Variants in TOP6BL observed in about 807,000 individuals in gnomAD.
TOP6BL encodes TOP6B like initiator of meiotic double strand breaks, also known as type 2 DNA topoisomerase 6 subunit B-like.
At chr11:66,787,358 C>T in the TOP6BL span, among the ~76,000 whole-genome samples, 4 of 151,830 alleles carry the variant, frequency 2.6e-5, no homozygotes, top group Non-Finnish European at 5.9e-5. Flanking sequence ...TTTTTTTAAT[C>T]ATCGTTAGGT....
At chr11:66,751,442 C>T in the TOP6BL span, among the ~76,000 whole-genome samples, 1 of 151,950 alleles carries the variant, frequency 6.6e-6, no homozygotes, top group African/African-American at 2.4e-5. Context: ...ATCCACCCAC[C>T]TCAGCCTCCC....
At chr11:66,746,327 C>G in the TOP6BL span, among the ~76,000 whole-genome samples, 2 of 152,020 alleles carry the variant, frequency 1.3e-5, no homozygotes, top group Non-Finnish European at 2.9e-5. Context: ...GGTGGGTAGC[C>G]TGTATTCTCA....
the TOP6BL span, among the ~76,000 whole-genome samples, chr11:66,790,061 C>T: frequency 1.3e-5 from 2 of 151,792 alleles, no homozygotes; most frequent in Admixed American, 6.6e-5. Flanking sequence ...TCATGAGGTC[C>T]GGAGATTGAG....
At chr11:66,755,697 C>T in the TOP6BL span, among the ~76,000 whole-genome samples, 1 of 152,176 alleles carries the variant, frequency 6.6e-6, no homozygotes, top group East Asian at 1.9e-4. Flanking sequence ...GTTCTGGAGG[C>T]TAGAAGTCCA....
the TOP6BL span, among the ~76,000 whole-genome samples, chr11:66,791,818 A>ATTT: frequency 7.2e-6 from 1 of 138,190 alleles, no homozygotes. Context: ...CTTTCTAATA[A>ATTT]TTTTTTTTTT....
At chr11:66,840,689 C>G in the TOP6BL span, among the ~76,000 whole-genome samples, 1 of 152,216 alleles carries the variant, frequency 6.6e-6, no homozygotes, top group Admixed American at 6.5e-5. Context: ...TGAAACTTCT[C>G]TCCTCAGGGA....
chr11:66,799,229 T>TA, the TOP6BL span, among the ~76,000 whole-genome samples: 1 of 122,804 alleles, frequency 8.1e-6, no homozygotes, highest in Non-Finnish European at 1.7e-5. Flanking sequence ...AAAAAAAAAA[T>TA]ACAAATATTA....
chr11:66,784,425 G>A, the TOP6BL span, among the ~76,000 whole-genome samples: 1 of 152,160 alleles, frequency 6.6e-6, no homozygotes, highest in East Asian at 1.9e-4. Context: ...GCCTCCCAAA[G>A]TGCTGGGACT....
the TOP6BL span, chr11:66,843,046 G>A: frequency 1.3e-6 from 2 of 1,561,096 alleles, no homozygotes; most frequent in Non-Finnish European, 8.7e-7. Context: ...GCCGGGCAGG[G>A]CGAGCCTCGG....
At chr11:66,808,477 A>G in the TOP6BL span, among the ~76,000 whole-genome samples, 5 of 152,056 alleles carry the variant, frequency 3.3e-5, no homozygotes, top group South Asian at 2.1e-4. Flanking sequence ...GCAGTGAGCC[A>G]TGATCGTGCC....
chr11:66,775,951 CTTAT>C, the TOP6BL span, among the ~76,000 whole-genome samples: 2 of 151,898 alleles, frequency 1.3e-5, no homozygotes, highest in African/African-American at 4.8e-5. Flanking sequence ...GAATTCATCC[CTTAT>C]TAATTTGGAT....
chr11:66,762,412 T>C, the TOP6BL span: 1 of 332,490 alleles, frequency 3.0e-6, no homozygotes, highest in Non-Finnish European at 5.6e-6. Context: ...CGGAGAGGAC[T>C]GCGAACATGT....
the TOP6BL span, chr11:66,748,550 C>T: frequency 6.7e-7 from 1 of 1,484,462 alleles, no homozygotes; most frequent in Non-Finnish European, 9.1e-7. Flanking sequence ...TTTTCTATCT[C>T]TTTTGTCATG....
chr11:66,837,447 T>G, the TOP6BL span, among the ~76,000 whole-genome samples: 4 of 135,624 alleles, frequency 2.9e-5, no homozygotes, highest in Non-Finnish European at 6.4e-5. Flanking sequence ...AATTTTTAAT[T>G]TTTTTTTTTT....
chr11:66,778,324 A>G, the TOP6BL span, among the ~76,000 whole-genome samples: 1 of 152,110 alleles, frequency 6.6e-6, no homozygotes, highest in Non-Finnish European at 1.5e-5. Flanking sequence ...CATTGTTTCA[A>G]GATGCTCAGT....
chr11:66,842,747 GA>G, the TOP6BL span: 1 of 1,191,542 alleles, frequency 8.4e-7, no homozygotes, highest in South Asian at 1.5e-5. Flanking sequence ...GATGCGGTGG[GA>G]AGAGCCCCTC....
At chr11:66,831,724 G>A in the TOP6BL span, among the ~76,000 whole-genome samples, 22 of 152,156 alleles carry the variant, frequency 1.4e-4, no homozygotes, top group Middle Eastern at 6.8e-3. Context: ...GGCCGGGTGC[G>A]GTGGCTCACG....
chr11:66,764,167 C>T, the TOP6BL span, among the ~76,000 whole-genome samples: 2 of 152,116 alleles, frequency 1.3e-5, no homozygotes, highest in Non-Finnish European at 2.9e-5. Flanking sequence ...GAAGAGTTTG[C>T]TCTGATTCTG....
At chr11:66,797,659 C>T in the TOP6BL span, among the ~76,000 whole-genome samples, 1 of 152,038 alleles carries the variant, frequency 6.6e-6, no homozygotes. Flanking sequence ...TGTGCACCAC[C>T]ACACCTCGCT....
Sources: allele counts gnomAD v4.1 joint callset (sites outside exome capture counted in the v4.1 genomes callset), GRCh38; gene constraint gnomAD v4.1.1; transcripts MANE v1.5; gene names NCBI Gene and HGNC (gene_info 2026-07-23, HGNC 2026-07-21).